PHF14: variants seen among roughly 807,000 people sequenced by gnomAD.
PHF14 encodes the protein PHD finger protein 14.
In PHF14, 55 loss-of-function variants were observed where a neutral mutation model predicts 117.9. The observed-to-expected ratio is 0.47, with a 90% confidence interval of 0.38 to 0.58. PHF14 has a LOEUF of 0.58. Among genes scored for constraint, PHF14 ranks in the 20% least tolerant of loss-of-function variants. The pLI is 0.00. For synonymous variants in PHF14, 409 were observed against 368.6 expected (o/e 1.11, Z -1.26); for missense variants, 978 against 1,122.2 (o/e 0.87, Z 1.84).
chr7:11,048,417 C>T (rs999623513), intron 13 of PHF14, among the ~76,000 whole-genome samples: 2 of 151,976 alleles, frequency 1.3e-5, no homozygotes, highest in African/African-American at 4.8e-5. Context: ...ACTAAAAATA[C>T]AAAAATTAGC....
At chr7:11,073,719 C>T (rs959107921) in intron 16 of PHF14, among the ~76,000 whole-genome samples, 7 of 152,204 alleles carry the variant, frequency 4.6e-5, no homozygotes, top group African/African-American at 1.7e-4. Flanking sequence ...CTAGTAGAGG[C>T]TTTCTGTGAA....
chr7:11,011,156 A>T (rs1034728998), intron 4 of PHF14, among the ~76,000 whole-genome samples: 1 of 152,238 alleles, frequency 6.6e-6, no homozygotes, highest in African/African-American at 2.4e-5. Flanking sequence ...GTAACCACTG[A>T]CATATAATGA....
At chr7:11,050,690 T>A (rs6967485) in intron 13 of PHF14, among the ~76,000 whole-genome samples, 538 of 152,336 alleles carry the variant, frequency 3.5e-3, no homozygotes, top group African/African-American at 0.012. Context: ...TAAAAAGTTC[T>A]GTTGGATACC....
chr7:11,103,902 G>A (rs1787173793), intron 16 of PHF14: 1 of 981,006 alleles, frequency 1.0e-6, no homozygotes, highest in Middle Eastern at 5.3e-4. Context: ...ATAATCTTTA[G>A]CAAAACTAGT....
At chr7:11,036,902 A>G (rs1049196673) in intron 9 of PHF14, 83 bp from the exon 10 acceptor site, 12 of 1,009,682 alleles carry the variant, frequency 1.2e-5, no homozygotes, top group African/African-American at 9.9e-5. Flanking sequence ...AGGTTTATCA[A>G]TGTGATCATC....
At chr7:11,019,654 T>C (rs1783661968) in intron 5 of PHF14, among the ~76,000 whole-genome samples, 1 of 152,156 alleles carries the variant, frequency 6.6e-6, no homozygotes, top group South Asian at 2.1e-4. Flanking sequence ...TGGCTAAAGG[T>C]TTGTCAGTGT....
At chr7:11,111,180 G>T in intron 16 of PHF14, 170 bp from the exon 17 acceptor site, 1 of 472,492 alleles carries the variant, frequency 2.1e-6, no homozygotes, top group Non-Finnish European at 3.8e-6. Flanking sequence ...TTTATTTCAG[G>T]TTTAGTTTGC....
At chr7:10,975,718 C>T (rs183719784) in intron 2 of PHF14, among the ~76,000 whole-genome samples, 2 of 152,068 alleles carry the variant, frequency 1.3e-5, no homozygotes, top group Admixed American at 1.3e-4. Context: ...ATGTGTAATT[C>T]CACCTCTTTT....
At chr7:10,980,667 C>T (rs1316346237) in intron 2 of PHF14, among the ~76,000 whole-genome samples, 4 of 152,104 alleles carry the variant, frequency 2.6e-5, no homozygotes, top group East Asian at 1.9e-4. Context: ...CAAAGCCTAA[C>T]GGAACTGGTA....
At chr7:11,115,361 T>C (rs1787565620) in intron 17 of PHF14, among the ~76,000 whole-genome samples, 1 of 152,020 alleles carries the variant, frequency 6.6e-6, no homozygotes, top group Non-Finnish European at 1.5e-5. Flanking sequence ...AATGACTCAT[T>C]AAATTAATTC....
intron 16 of PHF14, among the ~76,000 whole-genome samples, chr7:11,072,108 C>G (rs1272751418): frequency 6.6e-6 from 1 of 152,174 alleles, no homozygotes; most frequent in East Asian, 1.9e-4. Context: ...ATTTAATTGA[C>G]TTACGGCTCT....
intron 14 of PHF14, 159 bp from the exon 15 acceptor site, chr7:11,061,632 G>T: frequency 2.3e-6 from 1 of 427,488 alleles, no homozygotes; most frequent in Non-Finnish European, 4.2e-6. Context: ...TGGTAACAAA[G>T]TGCAGTAGTC....
chr7:11,031,679 G>T (rs1020930814), intron 7 of PHF14, among the ~76,000 whole-genome samples: 1 of 151,686 alleles, frequency 6.6e-6, no homozygotes, highest in South Asian at 2.1e-4. Flanking sequence ...ACATATACCC[G>T]GGAGTTTGAG....
rs1469838297 is a variant in PHF14, at chr7:11,122,330, T to TA, written c.2772+10863_2772+10864insA. On this transcript the variant is annotated intron_variant, in intron 17 of 17. Coordinates refer to ENST00000634607, the MANE Select transcript of PHF14 (RefSeq NM_001007157.2). ...TAAGGGGAGATTACTGTTTGTACTT[T>TA]TTATATATATATATATATATATACA... Among the ~76,000 whole-genome samples the TA allele has an allele frequency of 1.2e-3, 97 of 84,140 alleles. 4 individuals are homozygous for TA. Among genetic ancestry groups the TA allele is most frequent in the African/African-American group, 4.7e-3 (73 of 15,390 alleles). 55.2% of individuals were successfully genotyped at this position (84,140 alleles called of 152,430 possible). A position where few individuals can be genotyped will look rare whatever the true frequency, so the allele number is the denominator to read the frequency against.
chr7:11,056,933 G>A (rs1785041303), intron 14 of PHF14, among the ~76,000 whole-genome samples: 1 of 151,574 alleles, frequency 6.6e-6, no homozygotes. Flanking sequence ...CTTAACAGAG[G>A]TTTTCAAAGT....
chr7:11,099,474 A>G (rs1371669457), intron 16 of PHF14, among the ~76,000 whole-genome samples: 1 of 152,158 alleles, frequency 6.6e-6, no homozygotes, highest in Admixed American at 6.6e-5. Context: ...ACACAATTTT[A>G]GAGTAATAAA....
chr7:11,165,166 G>A (rs564199709), intron 17 of PHF14, among the ~76,000 whole-genome samples: 2 of 152,192 alleles, frequency 1.3e-5, no homozygotes, highest in South Asian at 2.1e-4. Flanking sequence ...CTTGTGATCC[G>A]CCTGCCTCGG....
At chr7:11,101,067 G>T (rs1024004744) in intron 16 of PHF14, among the ~76,000 whole-genome samples, 1 of 151,778 alleles carries the variant, frequency 6.6e-6, no homozygotes, top group Non-Finnish European at 1.5e-5. Context: ...TTAAAATACT[G>T]CACAGTTTTT....
At chr7:11,082,237 T>G (rs1786170728) in intron 16 of PHF14, among the ~76,000 whole-genome samples, 1 of 152,090 alleles carries the variant, frequency 6.6e-6, no homozygotes, top group Non-Finnish European at 1.5e-5. Context: ...TCCCAGCTAC[T>G]TAGGAGGCTG....
Sources: gnomAD v4.1 joint callset for allele counts (sites outside exome capture counted in the v4.1 genomes callset) on GRCh38, gnomAD v4.1.1 for gene constraint, MANE v1.5 for transcripts, NCBI Gene and HGNC (gene_info 2026-07-23, HGNC 2026-07-21) for gene names.